The following LMF1 variants were observed in gnomAD, a reference collection of about 807,000 sequenced individuals.
LMF1 encodes the protein transmembrane protein 112.
Under a neutral mutation model 60.6 loss-of-function variants are expected in LMF1, and 68 were observed. The ratio of observed to expected loss-of-function variants is 1.12; its 90% CI spans 0.92 to 1.37. LMF1 has a LOEUF of 1.37. Ranked by LOEUF, LMF1 falls within the 40% of genes most tolerant of loss-of-function variation. The pLI is 0.00. For synonymous variants in LMF1, 418 were observed against 324.7 expected, an observed-to-expected ratio of 1.29 and a Z score of -3.09; for missense variants, 948 against 767.2, an observed-to-expected ratio of 1.24 and a Z score of -2.78.
At chr16:944,232 C>T (rs2072181403) in intron 2 of LMF1, among the ~76,000 whole-genome samples, 1 of 151,990 alleles carries the variant, frequency 6.6e-6, no homozygotes, top group African/African-American at 2.4e-5. Context: ...ACTAAGGTCA[C>T]CACTCCCTAC....
At chr16:947,650 C>T in intron 2 of LMF1, 3 of 454,656 alleles carry the variant, frequency 6.6e-6, no homozygotes, top group Non-Finnish European at 1.3e-5. Context: ...TCTTTCCTTC[C>T]TTCTGGGGTC....
intron 2 of LMF1, among the ~76,000 whole-genome samples, chr16:942,342 T>C (rs2072121708): frequency 6.6e-6 from 1 of 152,266 alleles, no homozygotes; most frequent in African/African-American, 2.4e-5. Flanking sequence ...TGGTATTCGG[T>C]AGTTTGACTA....
At chr16:947,405 A>G in intron 2 of LMF1, 1 of 444,318 alleles carries the variant, frequency 2.3e-6, no homozygotes, top group Non-Finnish European at 4.5e-6. Flanking sequence ...CTTACATTGA[A>G]GTCCTGGAGC....
At chr16:950,201 C>T (rs1237678443) in intron 2 of LMF1, among the ~76,000 whole-genome samples, 1 of 101,874 alleles carries the variant, frequency 9.8e-6, no homozygotes, top group Non-Finnish European at 1.8e-5. Flanking sequence ...CAGAGTCAGC[C>T]AATGACAGAG....
At chr16:947,263 T>C (rs1347183467) in intron 2 of LMF1, 2 of 352,346 alleles carry the variant, frequency 5.7e-6, no homozygotes, top group Non-Finnish European at 5.6e-6. Context: ...TGTCTACGCC[T>C]TGTCAAATCC....
In LMF1 at chr16:963,168, C is replaced by T. The variant is rs535037488; in HGVS notation, c.193+7620G>A. Among the ~76,000 whole-genome samples the T allele has an allele frequency of 9.2e-5, 14 of 152,068 alleles. No homozygotes were observed. The South Asian group carries it at 1.7e-3, about 18-fold the overall frequency. ...GACACAGAGGGGACTCGGGGTGGGTCGCAGGGCGGGAAACAGGGCTGCAGC... is the reference window on the plus strand; with the variant it reads ...GACACAGAGGGGACTCGGGGTGGGTTGCAGGGCGGGAAACAGGGCTGCAGC... On this transcript the variant is annotated intron_variant, in intron 1 of 10. Transcript: ENST00000262301.
intron 1 of LMF1, chr16:977,225 CG>C: frequency 2.5e-6 from 1 of 398,424 alleles, no homozygotes; most frequent in Non-Finnish European, 5.0e-6. Context: ...TGACCCAAAC[CG>C]GAACTCGTGC....
chr16:929,584 G>T (rs1241047600), intron 3 of LMF1, among the ~76,000 whole-genome samples: 3 of 152,246 alleles, frequency 2.0e-5, no homozygotes, highest in Admixed American at 6.5e-5. Context: ...CCCAGATCCA[G>T]GCTCACTGAA....
chr16:912,031 C>A (rs914135669), intron 3 of LMF1, among the ~76,000 whole-genome samples: 1 of 152,164 alleles, frequency 6.6e-6, no homozygotes. Flanking sequence ...CCACAGCTCG[C>A]GTCTGTCAAT....
intron 6 of LMF1, among the ~76,000 whole-genome samples, chr16:876,113 C>T (rs914050647): frequency 1.3e-5 from 2 of 152,258 alleles, no homozygotes; most frequent in African/African-American, 4.8e-5. Flanking sequence ...GCCCGGGGCT[C>T]CGTCTGTTGC....
At chr16:890,512 GCT>G (rs1315593137) in intron 5 of LMF1, among the ~76,000 whole-genome samples, 1 of 152,162 alleles carries the variant, frequency 6.6e-6, no homozygotes, top group African/African-American at 2.4e-5. Context: ...CAGGCTCATG[GCT>G]CTCTGTGAGC....
intron 2 of LMF1, 116 bp downstream of exon 2, chr16:954,239 TCC>T (rs1358066087): frequency 9.2e-7 from 1 of 1,083,026 alleles, no homozygotes. Context: ...GACAATACCC[TCC>T]TGAAGGAATT....
intron 2 of LMF1, among the ~76,000 whole-genome samples, chr16:948,035 C>G (rs2072291190): frequency 7.6e-6 from 1 of 131,138 alleles, no homozygotes; most frequent in African/African-American, 2.8e-5. Context: ...GAGACAACGA[C>G]AGAGTCAGCC....
At chr16:970,107 C>T (rs2073009693) in intron 1 of LMF1, among the ~76,000 whole-genome samples, 1 of 152,202 alleles carries the variant, frequency 6.6e-6, no homozygotes, top group African/African-American at 2.4e-5. Flanking sequence ...CCGGAGCTGC[C>T]CCCAGACCTC....
intron 1 of LMF1, among the ~76,000 whole-genome samples, chr16:978,513 T>C (rs2073243245): frequency 6.6e-6 from 1 of 152,194 alleles, no homozygotes; most frequent in African/African-American, 2.4e-5. Flanking sequence ...GCGGCTGTCC[T>C]TGGCGCCCAG....
At chr16:876,156 G>C (rs1389881857) in intron 6 of LMF1, among the ~76,000 whole-genome samples, 1 of 152,272 alleles carries the variant, frequency 6.6e-6, no homozygotes, top group African/African-American at 2.4e-5. Flanking sequence ...ACAAACCGGG[G>C]CACGTGCGGA....
chr16:870,737 G>GGC lies in LMF1; in HGVS notation c.1222_1223dup (p.Phe409ProfsTer12), dbSNP rs1223324008. 1 of 1,612,812 alleles carries GGC rather than the reference G, an allele frequency of 6.2e-7. No homozygotes were observed. Among genetic ancestry groups the GGC allele is most frequent in the South Asian group, 1.1e-5 (1 of 91,088 alleles). On this transcript the variant is annotated frameshift_variant, in exon 8 of 11. Transcript: ENST00000262301. LOFTEE classifies it high-confidence loss of function. Reference sequence around the variant, plus strand: ...GGACCCCAGGCTCATACCTTCCGAAGGCCCCGTAAGTGTTGACGATGTGAA... The same window carrying GGC: ...GGACCCCAGGCTCATACCTTCCGAAGGCGCCCCGTAAGTGTTGACGATGTGAA...
chr16:918,735 A>G (rs1177487583), intron 3 of LMF1, among the ~76,000 whole-genome samples: 1 of 133,360 alleles, frequency 7.5e-6, no homozygotes, highest in Non-Finnish European at 1.7e-5. Context: ...TGAGAAGCAC[A>G]TTTTAAATCA....
chr16:891,870 T>A (rs962851531), intron 5 of LMF1, among the ~76,000 whole-genome samples: 7 of 151,860 alleles, frequency 4.6e-5, no homozygotes, highest in Admixed American at 3.9e-4. Context: ...CCGTCACGGC[T>A]GTGTTGGGAC....
Sources: gnomAD v4.1 joint callset for allele counts (sites outside exome capture counted in the v4.1 genomes callset) on GRCh38, gnomAD v4.1.1 for gene constraint, MANE v1.5 for transcripts, NCBI Gene and HGNC (gene_info 2026-07-23, HGNC 2026-07-21) for gene names.